BRK1: variants seen among roughly 807,000 people sequenced by gnomAD.
BRK1 encodes BRICK1 subunit of SCAR/WAVE actin nucleating complex, also known as protein BRICK1.
Under a neutral mutation model 9.9 loss-of-function variants are expected in BRK1, and 6 were observed. That is an observed-to-expected ratio of 0.60 (90% CI 0.33 to 1.19). The LOEUF (loss-of-function observed/expected upper bound fraction) is 1.19, where lower values mean the gene tolerates loss of function less well. Among genes scored for constraint, BRK1 ranks in the 50% most tolerant of loss-of-function variants. The pLI is 0.04. For synonymous variants in BRK1, 44 were observed against 31.9 expected, an observed-to-expected ratio of 1.38 and a Z score of -1.28; for missense variants, 62 against 97.5, an observed-to-expected ratio of 0.64 and a Z score of 1.53.
Position 10,126,607 on chromosome 3 carries a change from T to C in BRK1, c.*312T>C, listed in dbSNP as rs3087695. 3.2e-6 allele frequency: 1 copy of C among 312,766 alleles called. No individual in the cohort carries two copies. Among genetic ancestry groups the C allele is most frequent in the Non-Finnish European group, 5.9e-6 (1 of 168,520 alleles). 19.4% of individuals were successfully genotyped at this position (312,766 alleles called of 1,614,324 possible). A position where few individuals can be genotyped will look rare whatever the true frequency, so the allele number is the denominator to read the frequency against. On this transcript the variant is annotated 3_prime_UTR_variant, in exon 3 of 3. Coordinates refer to ENST00000530758, the MANE Select transcript of BRK1 (RefSeq NM_018462.5). Reference sequence around the variant, plus strand: ...CTGGGACTCTTTGTGAAGGTCCTCCTCACCTCTATCTTTCTTTCTCTCTCT... The same window carrying C: ...CTGGGACTCTTTGTGAAGGTCCTCCCCACCTCTATCTTTCTTTCTCTCTCT...
In BRK1 at chr3:10,118,252, C is replaced by CAAAAAAA. The variant is rs59622736; in HGVS notation, c.118+2445_118+2451dup. Among the ~76,000 whole-genome samples the CAAAAAAA allele has an allele frequency of 5.0e-3, 336 of 66,768 alleles. 2 individuals carry two copies. Among genetic ancestry groups the CAAAAAAA allele is most frequent in the Non-Finnish European group, 7.8e-3 (250 of 31,852 alleles). The allele number at this position is 66,768 out of a possible 152,430, so 43.8% of individuals were successfully genotyped here. ...TGGGCAAAAGACGAGACTCTGTCTC[C>CAAAAAAA]AAAAAAAAAAAAAAAAAAGATTGAC... is the stretch of plus-strand genomic sequence containing the variant. On this transcript the variant is annotated intron_variant, in intron 1 of 2. Coordinates refer to ENST00000530758, the MANE Select transcript of BRK1 (RefSeq NM_018462.5).
intron 1 of BRK1, among the ~76,000 whole-genome samples, chr3:10,122,809 T>C (rs193232082): frequency 1.9e-4 from 29 of 152,198 alleles, no homozygotes; most frequent in African/African-American, 5.1e-4. Flanking sequence ...CTCTCAGAGA[T>C]AGAATTTGAA....
chr3:10,119,784 TG>T (rs1311379215), intron 1 of BRK1, among the ~76,000 whole-genome samples: 1 of 152,206 alleles, frequency 6.6e-6, no homozygotes, highest in African/African-American at 2.4e-5. Flanking sequence ...TTTATTCTTA[TG>T]CTATTTTTTT....
rs768646335 is a variant in BRK1 at position 10,126,623 on chromosome 3, T to TTC, written c.*339_*340dup. ...AGGTCCTCCTCACCTCTATCTTTCT[T>TTC]TCTCTCTCTCTCAAACTTTCCTTAA... On this transcript the variant is annotated 3_prime_UTR_variant, in exon 3 of 3. Transcript: ENST00000530758. The TTC allele has an allele frequency of 3.7e-6, 1 of 270,152 alleles. No individual in the cohort carries two copies. Among genetic ancestry groups the TTC allele is most frequent in the African/African-American group, 2.2e-5 (1 of 44,976 alleles). 16.7% of individuals were successfully genotyped at this position (270,152 alleles called of 1,614,324 possible). A position where few individuals can be genotyped will look rare whatever the true frequency, so the allele number is the denominator to read the frequency against.
intron 2 of BRK1, 38 bp from the exon 3 acceptor site, chr3:10,126,231 T>C: frequency 3.4e-6 from 5 of 1,464,538 alleles, no homozygotes; most frequent in Non-Finnish European, 4.5e-6. Context: ...TAATCTTTTT[T>C]AATTTATCTA....
chr3:10,118,910 C>T (rs1401815186), intron 1 of BRK1, among the ~76,000 whole-genome samples: 1 of 152,220 alleles, frequency 6.6e-6, no homozygotes, highest in African/African-American at 2.4e-5. Flanking sequence ...CCTCAGCCTA[C>T]TCAGCAGGAA....
At position 10,126,404 on chromosome 3, in the gene BRK1, T is replaced by G; in HGVS notation, c.*109T>G. 1.0e-6 allele frequency: 1 copy of G among 998,458 alleles called. No homozygotes were observed. Among genetic ancestry groups the G allele is most frequent in the Non-Finnish European group, 1.5e-6 (1 of 669,536 alleles). 61.8% of individuals were successfully genotyped at this position (998,458 alleles called of 1,614,324 possible). ...TTTCTCCTTAAAGAGCAACAGGGCT[T>G]ATTCTTGTTTTTCTTTTTTCAAAAG... On this transcript the variant is annotated 3_prime_UTR_variant, in exon 3 of 3. Transcript: ENST00000530758.
chr3:10,121,172 G>A (rs1346631440), intron 1 of BRK1, among the ~76,000 whole-genome samples: 3 of 152,322 alleles, frequency 2.0e-5, no homozygotes, highest in East Asian at 1.9e-4. Flanking sequence ...CCCAGGGACT[G>A]AGGGGTGACA....
At chr3:10,125,773 C>G (rs949750917) in intron 2 of BRK1, 65 bp downstream of exon 2, 9 of 1,218,008 alleles carry the variant, frequency 7.4e-6, no homozygotes, top group Middle Eastern at 3.8e-4. Flanking sequence ...TGAAAAAAAC[C>G]TGAAAGCAGA....
Position 10,125,677 on chromosome 3 carries a change from T to A in BRK1, c.170T>A (p.Leu57His). 1 of 1,612,986 alleles carries A rather than the reference T, an allele frequency of 6.2e-7. No homozygotes were observed. Among genetic ancestry groups the A allele is most frequent in the Non-Finnish European group, 8.5e-7 (1 of 1,179,424 alleles). ...ACACTAAACGAGAAATTGACAGCCC[T>A]TGAACGGAGAATAGAGTACATTGAA... The part of the protein sequence containing the change: ...LATLNEKLTA[L>H]ERRIEYIEAR... The change falls in exon 2 of 3, where the codon CTT becomes CAT. Residue 57 changes from leucine (L) to histidine (H), a missense_variant. Physicochemically the swap from Leu to His is moderately conservative, Grantham distance 99. Transcript: ENST00000530758.
intron 1 of BRK1, among the ~76,000 whole-genome samples, chr3:10,123,357 G>A (rs1695783945): frequency 1.3e-5 from 2 of 151,890 alleles, no homozygotes; most frequent in South Asian, 4.1e-4. Context: ...CAACAGTAGT[G>A]ACATGGCTTT....
intron 1 of BRK1, among the ~76,000 whole-genome samples, chr3:10,119,860 T>A (rs1050794959): frequency 2.6e-4 from 39 of 152,330 alleles, no homozygotes; most frequent in African/African-American, 8.9e-4. Context: ...GCTGTTTTTT[T>A]AAAATCTTGG....
chr3:10,122,443 C>T (rs993279750), intron 1 of BRK1, among the ~76,000 whole-genome samples: 3 of 152,010 alleles, frequency 2.0e-5, no homozygotes, highest in East Asian at 3.9e-4. Context: ...CGGTGCCTCA[C>T]GCCTGTAATC....
chr3:10,125,578 C>T, intron 1 of BRK1, 48 bp from the exon 2 acceptor site: 1 of 1,154,480 alleles, frequency 8.7e-7, no homozygotes, highest in East Asian at 2.4e-5. Context: ...GTGTCTGTGT[C>T]TGTGTTTGGA....
chr3:10,124,225 C>T lies in BRK1; in HGVS notation c.119-1401C>T, dbSNP rs111284032. ...ATCTCAGCACTTTGGGAGGCCAAGG[C>T]GGGCGGATCACGAGGACAAGAGATT... is the stretch of plus-strand genomic sequence containing the variant. On this transcript the variant is annotated intron_variant, in intron 1 of 2. Coordinates refer to ENST00000530758, the MANE Select transcript of BRK1 (RefSeq NM_018462.5). Among the ~76,000 whole-genome samples the T allele has an allele frequency of 0.16, 23,990 of 151,136 alleles. 2,439 individuals carry two copies. The highest frequency in any genetic ancestry group is 0.29 in the African/African-American group (11,835 of 41,154).
At chr3:10,116,751 AAG>A (rs1695692019) in intron 1 of BRK1, among the ~76,000 whole-genome samples, 1 of 152,238 alleles carries the variant, frequency 6.6e-6, no homozygotes, top group Non-Finnish European at 1.5e-5. Context: ...GTGACAGAGC[AAG>A]AGATTGTCAG....
intron 1 of BRK1, 119 bp downstream of exon 1, chr3:10,115,938 T>A: frequency 1.3e-6 from 1 of 768,646 alleles, no homozygotes; most frequent in Non-Finnish European, 2.2e-6. Flanking sequence ...GGGTTTTCAC[T>A]TCCTCCTTCA....
At chr3:10,122,504 G>A (rs1222556801) in intron 1 of BRK1, among the ~76,000 whole-genome samples, 1 of 151,842 alleles carries the variant, frequency 6.6e-6, no homozygotes, top group Non-Finnish European at 1.5e-5. Context: ...TCAGGAGTTT[G>A]AGATCAGCCT....
At chr3:10,124,689 T>C (rs1294626788) in intron 1 of BRK1, among the ~76,000 whole-genome samples, 1 of 151,982 alleles carries the variant, frequency 6.6e-6, no homozygotes, top group African/African-American at 2.4e-5. Context: ...CTGCCTTCCT[T>C]TCTGGAGGCT....
Sources: gnomAD v4.1 joint callset for allele counts (sites outside exome capture counted in the v4.1 genomes callset) on GRCh38, gnomAD v4.1.1 for gene constraint, MANE v1.5 for transcripts, NCBI Gene and HGNC (gene_info 2026-07-23, HGNC 2026-07-21) for gene names.